Variants in FGD5 observed in about 807,000 individuals in gnomAD.
FGD5 encodes the protein FYVE, RhoGEF and PH domain-containing protein 5.
In FGD5, 28 loss-of-function variants were observed where a neutral mutation model predicts 133.4. The observed-to-expected ratio is 0.21, with a 90% CI of 0.16 to 0.29. The LOEUF is 0.29. Among genes scored for constraint, FGD5 ranks in the 10% least tolerant of loss-of-function variants. FGD5 has a pLI of 1.00. For synonymous variants in FGD5, 810 were observed against 776.5 expected (o/e 1.04, Z -0.72); for missense variants, 1,858 against 1,895.2 (o/e 0.98, Z 0.36).
Position 14,914,824 on chromosome 3 carries a change from G to A in FGD5, c.3406-2425G>A, listed in dbSNP as rs149212605. ...AGGATGATGATCATGGTGCCTGTGC[G>A]TTAGGACTGTGGGAGTGCACGTTAG... On this transcript the variant is annotated intron_variant, in intron 11 of 19. Coordinates refer to ENST00000285046, the MANE Select transcript of FGD5 (RefSeq NM_152536.4). 7.3e-3 allele frequency among the ~76,000 whole-genome samples: 1,104 copies of A among 152,250 alleles called. 9 individuals are homozygous for A. The highest frequency in any genetic ancestry group is 0.025 in the African/African-American group (1,043 of 41,566).
At chr3:14,822,353 T>C (rs1372049767) in intron 1 of FGD5, among the ~76,000 whole-genome samples, 1 of 152,184 alleles carries the variant, frequency 6.6e-6, no homozygotes, top group Non-Finnish European at 1.5e-5. Flanking sequence ...TAAATTGAGA[T>C]TGGCACCTTT....
intron 1 of FGD5, among the ~76,000 whole-genome samples, chr3:14,847,768 G>T (rs1330464536): frequency 6.6e-6 from 1 of 152,198 alleles, no homozygotes; most frequent in Non-Finnish European, 1.5e-5. Flanking sequence ...TCTCACCTTC[G>T]AGAGCTCAGT....
intron 1 of FGD5, among the ~76,000 whole-genome samples, chr3:14,842,973 C>T (rs1470754415): frequency 6.6e-6 from 1 of 151,434 alleles, no homozygotes; most frequent in African/African-American, 2.4e-5. Flanking sequence ...GCCTCCTCCT[C>T]ACTGTTGAAA....
At chr3:14,884,696 G>A (rs1689533) in intron 4 of FGD5, among the ~76,000 whole-genome samples, 8,769 of 152,172 alleles carry the variant, frequency 0.058, 391 homozygotes, top group East Asian at 0.2. Context: ...ATGATGTCTG[G>A]GGCCTCAGCT....
intron 1 of FGD5, among the ~76,000 whole-genome samples, chr3:14,848,989 T>G (rs2037107367): frequency 6.6e-6 from 1 of 152,160 alleles, no homozygotes; most frequent in South Asian, 2.1e-4. Context: ...TGGCAAAGGG[T>G]GGCATCCTCT....
Position 14,923,072 on chromosome 3 carries a change from C to A in FGD5, c.3834C>A (p.Asn1278Lys), listed in dbSNP as rs764823817. 2 of 1,613,778 alleles carry A rather than the reference C, an allele frequency of 1.2e-6. No homozygotes were observed. Among genetic ancestry groups the A allele is most frequent in the African/African-American group, 1.3e-5 (1 of 74,886 alleles). Residue 1278 changes from asparagine (N) to lysine (K), a missense_variant, in exon 16 of 20, where the codon AAC becomes AAA. Physicochemically the swap from Asn to Lys is moderately conservative, Grantham distance 94 (BLOSUM62 0). This residue lies in a region of FGD5 where 1,824 missense variants were observed against 1,848.9 expected (regional missense o/e 0.99). Transcript: ENST00000285046. ...TCGTGTGCCGGAACTGTTCGCGGAACAAGTACCCGCTGAAGTACCTGAAGG... is the reference window on the plus strand; with the variant it reads ...TCGTGTGCCGGAACTGTTCGCGGAAAAAGTACCCGCTGAAGTACCTGAAGG... ...GKIVCRNCSRNKYPLKYLKDR... is the reference protein window; with the variant it reads ...GKIVCRNCSRKKYPLKYLKDR...
Position 14,848,765 on chromosome 3 carries a change from G to A in FGD5, c.2526-15363G>A, listed in dbSNP as rs1465328831. 2.0e-5 allele frequency among the ~76,000 whole-genome samples: 3 copies of A among 152,304 alleles called. No homozygotes were observed. The East Asian group carries it at 5.8e-4, about 29-fold the overall frequency. On this transcript the variant is annotated intron_variant, in intron 1 of 19. Transcript: ENST00000285046. ...AGCTTCAGCCCCATTAGCTTAGCTAGTAGTCAGGGAAGGCTTCCTAGAGTA... is the reference window on the plus strand; with the variant it reads ...AGCTTCAGCCCCATTAGCTTAGCTAATAGTCAGGGAAGGCTTCCTAGAGTA...
chr3:14,885,468 A>G (rs938225126), intron 4 of FGD5, among the ~76,000 whole-genome samples: 18 of 152,182 alleles, frequency 1.2e-4, no homozygotes, highest in African/African-American at 4.3e-4. Context: ...CATGATAAAC[A>G]GTTTGCTCTT....
chr3:14,844,218 ATATATATAT>A lies in FGD5; in HGVS notation c.2526-19909_2526-19901del, dbSNP rs1404006601. Among the ~76,000 whole-genome samples the A allele has an allele frequency of 7.8e-3, 169 of 21,666 alleles. 9 individuals carry two copies. Among genetic ancestry groups the A allele is most frequent in the South Asian group, 0.018 (8 of 450 alleles). 14.2% of individuals were successfully genotyped at this position (21,666 alleles called of 152,430 possible). The stretch of plus-strand genomic sequence containing the variant: ...TTAATAGGCATTAAAAAAAAAAAAA[ATATATATAT>A]ATATATATATATATATATATATATA... On this transcript the variant is annotated intron_variant, in intron 1 of 19. Transcript: ENST00000285046.
At chr3:14,901,125 G>T (rs988514717) in intron 9 of FGD5, 64 bp downstream of exon 9, 2 of 1,568,672 alleles carry the variant, frequency 1.3e-6, no homozygotes, top group East Asian at 4.5e-5. Flanking sequence ...CACCAGCTCC[G>T]GTCAGCCTTC....
chr3:14,833,109 G>A (rs541254998), intron 1 of FGD5, among the ~76,000 whole-genome samples: 2 of 152,312 alleles, frequency 1.3e-5, no homozygotes, highest in African/African-American at 4.8e-5. Flanking sequence ...GCCTTCCACA[G>A]ATGAAGGCAG....
At chr3:14,827,087 T>G (rs139292392) in intron 1 of FGD5, among the ~76,000 whole-genome samples, 67 of 152,278 alleles carry the variant, frequency 4.4e-4, no homozygotes, top group African/African-American at 1.5e-3. Context: ...TTACAGTTAG[T>G]TAGGTAGGAA....
intron 10 of FGD5, among the ~76,000 whole-genome samples, chr3:14,909,561 A>C (rs1376775264): frequency 6.6e-6 from 1 of 152,238 alleles, no homozygotes; most frequent in East Asian, 1.9e-4. Flanking sequence ...TGATGAGCTC[A>C]GTTAAAAACT....
chr3:14,863,142 G>A (rs1671121229), intron 1 of FGD5, among the ~76,000 whole-genome samples: 1 of 152,220 alleles, frequency 6.6e-6, no homozygotes, highest in Admixed American at 6.5e-5. Flanking sequence ...AGTCATTCCA[G>A]TATCTCATCC....
intron 2 of FGD5, among the ~76,000 whole-genome samples, chr3:14,868,643 G>A (rs948674442): frequency 1.3e-5 from 2 of 152,192 alleles, no homozygotes; most frequent in African/African-American, 2.4e-5. Context: ...CGGGGAAGGG[G>A]CTCTGAACCA....
At chr3:14,925,795 G>A (rs1319545737) in intron 17 of FGD5, among the ~76,000 whole-genome samples, 1 of 152,204 alleles carries the variant, frequency 6.6e-6, no homozygotes, top group East Asian at 1.9e-4. Flanking sequence ...GAGTTGAGGG[G>A]CTTAGGTTGA....
intron 1 of FGD5, among the ~76,000 whole-genome samples, chr3:14,824,399 C>T (rs928268107): frequency 3.9e-5 from 6 of 152,174 alleles, no homozygotes; most frequent in South Asian, 2.1e-4. Flanking sequence ...TGGGGTTGGA[C>T]GGGATGAGAG....
intron 11 of FGD5, 88 bp downstream of exon 11, chr3:14,911,017 G>T: frequency 1.6e-6 from 2 of 1,288,524 alleles, no homozygotes; most frequent in Non-Finnish European, 2.2e-6. Flanking sequence ...AGTGGAATAG[G>T]GTGAGAGGAG....
chr3:14,877,676 G>T (rs186831480), intron 2 of FGD5, among the ~76,000 whole-genome samples: 2 of 152,326 alleles, frequency 1.3e-5, no homozygotes, highest in African/African-American at 4.8e-5. Context: ...CTGAGGATCC[G>T]GAGTGAGGAA....
Sources: allele counts gnomAD v4.1 joint callset (sites outside exome capture counted in the v4.1 genomes callset), GRCh38; gene constraint gnomAD v4.1.1; regional missense constraint gnomAD v4.1.1; transcripts MANE v1.5; gene names NCBI Gene and HGNC (gene_info 2026-07-23, HGNC 2026-07-21).